The following COL24A1 variants were observed in gnomAD, a reference collection of about 807,000 sequenced individuals.
COL24A1 encodes the protein collagen alpha-1(XXIV) chain.
Under a neutral mutation model 253.9 loss-of-function variants are expected in COL24A1, and 224 were observed. That is an observed-to-expected ratio of 0.88 (90% CI 0.79 to 0.99). The LOEUF (loss-of-function observed/expected upper bound fraction) is 0.99. Ranked by LOEUF, COL24A1 falls within the 50% of genes least tolerant of loss-of-function variation. The probability of loss-of-function intolerance (pLI) is 0.00; values close to 1 mark genes in which losing one functional copy is unlikely to be tolerated. For missense variants in COL24A1, 2,131 were observed against 2,068.5 expected, an observed-to-expected ratio of 1.03 and a Z score of -0.59; for synonymous variants, 685 against 673.7, an observed-to-expected ratio of 1.02 and a Z score of -0.26.
intron 5 of COL24A1, among the ~76,000 whole-genome samples, chr1:86,107,959 C>A (rs965791763): frequency 1.7e-4 from 26 of 151,896 alleles, no homozygotes; most frequent in African/African-American, 5.8e-4. Flanking sequence ...CCCCAAGAGG[C>A]CTAAGTTTTT....
At chr1:85,853,478 G>A (rs1289767350) in intron 37 of COL24A1, among the ~76,000 whole-genome samples, 1 of 152,100 alleles carries the variant, frequency 6.6e-6, no homozygotes, top group Non-Finnish European at 1.5e-5. Flanking sequence ...ATTCCTTTGG[G>A]TATATACCCA....
intron 45 of COL24A1, 53 bp from the exon 46 acceptor site, chr1:85,818,140 G>A: frequency 6.9e-7 from 1 of 1,458,860 alleles, no homozygotes; most frequent in South Asian, 1.2e-5. Flanking sequence ...TACTTAAACT[G>A]AAGCCATAGA....
chr1:86,075,042 GAGA>G (rs1280492226), intron 7 of COL24A1, among the ~76,000 whole-genome samples: 15 of 152,130 alleles, frequency 9.9e-5, no homozygotes, highest in Non-Finnish European at 2.2e-4. Flanking sequence ...ACTAAGATCA[GAGA>G]AGAACTGAAG....
chr1:85,744,001 A>G (rs760489700), intron 57 of COL24A1, among the ~76,000 whole-genome samples: 16 of 152,142 alleles, frequency 1.1e-4, no homozygotes, highest in Admixed American at 3.3e-4. Context: ...AGCATTTTTC[A>G]CATCAGCACT....
chr1:85,883,744 T>C (rs1244463729), intron 32 of COL24A1: 1 of 152,168 alleles, frequency 6.6e-6, no homozygotes, highest in African/African-American at 2.4e-5. Flanking sequence ...CTGACCCTGT[T>C]TAGCATCCAA....
intron 3 of COL24A1, among the ~76,000 whole-genome samples, chr1:86,120,179 C>G (rs1571987864): frequency 6.6e-6 from 1 of 152,216 alleles, no homozygotes; most frequent in East Asian, 1.9e-4. Context: ...GACCTAAAAC[C>G]ATAAAAATCC....
chr1:85,994,433 T>C (rs1016195682), intron 19 of COL24A1, among the ~76,000 whole-genome samples: 3 of 148,596 alleles, frequency 2.0e-5, no homozygotes, highest in African/African-American at 7.4e-5. Context: ...AAAACTAGCC[T>C]AGCTTCTACA....
intron 24 of COL24A1, among the ~76,000 whole-genome samples, chr1:85,922,996 A>G (rs1403628429): frequency 1.7e-3 from 18 of 10,292 alleles, no homozygotes; most frequent in South Asian, 5.6e-3. Flanking sequence ...ATGGAGAACA[A>G]AAAAAAAAGC....
chr1:86,030,808 G>A (rs1698504779), intron 14 of COL24A1, among the ~76,000 whole-genome samples: 1 of 150,780 alleles, frequency 6.6e-6, no homozygotes, highest in African/African-American at 2.4e-5. Flanking sequence ...TCTTGCCCAG[G>A]CTTGGTCTCA....
Position 85,874,711 on chromosome 1 carries a change from A to G in COL24A1, c.3085-9T>C. 6.2e-7 allele frequency: 1 copy of G among 1,612,016 alleles called. No homozygotes were observed. The highest frequency in any genetic ancestry group is 2.2e-5 in the East Asian group (1 of 44,884). Reference sequence around the variant, plus strand: ...GCAGTTCCAACATCTCCCTGAAGAAACAAAGGGAAAGATTAAACTCTTTTC... The same window carrying G: ...GCAGTTCCAACATCTCCCTGAAGAAGCAAAGGGAAAGATTAAACTCTTTTC... On this transcript the variant is annotated splice_polypyrimidine_tract_variant and intron_variant, in intron 34 of 59. Coordinates refer to ENST00000370571, the MANE Select transcript of COL24A1 (RefSeq NM_152890.7).
chr1:85,922,871 G>C (rs1419636241), intron 24 of COL24A1, among the ~76,000 whole-genome samples: 6 of 152,148 alleles, frequency 3.9e-5, no homozygotes, highest in African/African-American at 1.4e-4. Flanking sequence ...ACACGGACTG[G>C]CAAATTGGAT....
At chr1:86,123,158 TTCTC>T (rs1426305592) in intron 3 of COL24A1, among the ~76,000 whole-genome samples, 1 of 151,938 alleles carries the variant, frequency 6.6e-6, no homozygotes, top group African/African-American at 2.4e-5. Context: ...TAGAGCATCT[TTCTC>T]AAGGAACTCA....
intron 45 of COL24A1, among the ~76,000 whole-genome samples, chr1:85,822,405 A>G (rs1163251189): frequency 6.6e-6 from 1 of 152,194 alleles, no homozygotes; most frequent in African/African-American, 2.4e-5. Flanking sequence ...ATTTAATTTG[A>G]AATCAATAGC....
At chr1:85,795,316 TTG>T (rs937755635) in intron 47 of COL24A1, among the ~76,000 whole-genome samples, 79 of 152,288 alleles carry the variant, frequency 5.2e-4, no homozygotes, top group African/African-American at 1.9e-3. Context: ...GATTACTTAT[TTG>T]TACATAATAG....
chr1:85,778,023 C>CTCTATCTATCTA (rs71075864), intron 52 of COL24A1, among the ~76,000 whole-genome samples: 24,008 of 149,056 alleles, frequency 0.16, 1,963 homozygotes, highest in East Asian at 0.24. Context: ...ATGTCTCTAT[C>CTCTATCTATCTA]TCTATCTATC....
chr1:85,875,799 G>T (rs1273841257), intron 33 of COL24A1, among the ~76,000 whole-genome samples: 2 of 150,424 alleles, frequency 1.3e-5, no homozygotes, highest in Non-Finnish European at 3.0e-5. Context: ...TTCATGGTGG[G>T]TCCATTTTTG....
chr1:86,031,072 G>T lies in COL24A1; in HGVS notation c.2049+806C>A, dbSNP rs537447680. Among the ~76,000 whole-genome samples the T allele has an allele frequency of 4.6e-5, 7 of 152,222 alleles. No individual in the cohort carries two copies. In the South Asian group the frequency reaches 1.4e-3, roughly 32 times the overall value. On this transcript the variant is annotated intron_variant, in intron 14 of 59. Coordinates refer to ENST00000370571, the MANE Select transcript of COL24A1 (RefSeq NM_152890.7). ...TCAACTTAAGTATCCATCAGTAGATGAATGAAGAAAATGTGGTACATACAC... is the reference window on the plus strand; with the variant it reads ...TCAACTTAAGTATCCATCAGTAGATTAATGAAGAAAATGTGGTACATACAC...
chr1:86,056,680 C>G (rs1266560764), intron 10 of COL24A1, among the ~76,000 whole-genome samples: 1 of 151,730 alleles, frequency 6.6e-6, no homozygotes, highest in African/African-American at 2.4e-5. Flanking sequence ...ATGGTGAAAC[C>G]CTGTCTCTAC....
Position 85,848,466 on chromosome 1 carries a change from C to G in COL24A1, c.3355-694G>C, listed in dbSNP as rs554928753. 3.3e-5 allele frequency among the ~76,000 whole-genome samples: 5 copies of G among 152,238 alleles called. No homozygotes were observed. In the South Asian group the frequency reaches 1.0e-3, roughly 32 times the overall value. On this transcript the variant is annotated intron_variant, in intron 38 of 59. Coordinates refer to ENST00000370571, the MANE Select transcript of COL24A1 (RefSeq NM_152890.7). ...CTGGGATTACAGGCACCCATCAACA[C>G]GTCCAGTTAATTTTTGTAGTTTTAG...
Sources: allele counts gnomAD v4.1 joint callset (sites outside exome capture counted in the v4.1 genomes callset), GRCh38; gene constraint gnomAD v4.1.1; transcripts MANE v1.5; gene names NCBI Gene and HGNC (gene_info 2026-07-23, HGNC 2026-07-21).